Variants in ARHGEF28 observed in about 807,000 individuals in gnomAD.
ARHGEF28 encodes the protein 190 kDa guanine nucleotide exchange factor.
A neutral mutation model predicts 206.6 loss-of-function variants in ARHGEF28; 152 were observed. That is an observed-to-expected ratio of 0.74 (90% CI 0.64 to 0.84). The LOEUF (loss-of-function observed/expected upper bound fraction) is 0.84. Among genes scored for constraint, ARHGEF28 ranks in the 40% least tolerant of loss-of-function variants. The pLI is 0.00. For missense variants in ARHGEF28, 2,028 were observed against 2,073.2 expected, an observed-to-expected ratio of 0.98 and a Z score of 0.42; for synonymous variants, 763 against 776.4, an observed-to-expected ratio of 0.98 and a Z score of 0.29.
At chr5:73,911,198 C>G in intron 34 of ARHGEF28, 77 bp from the exon 35 acceptor site, 1 of 1,313,528 alleles carries the variant, frequency 7.6e-7, no homozygotes, top group Non-Finnish European at 1.0e-6. Flanking sequence ...TCCTAAGATT[C>G]TCTCAGGAAT....
At chr5:73,899,259 T>G (rs1214358725) in intron 30 of ARHGEF28, 1 of 152,156 alleles carries the variant, frequency 6.6e-6, no homozygotes, top group Non-Finnish European at 1.5e-5. Flanking sequence ...AGTCTCTGTC[T>G]AAAAATACGT....
intron 21 of ARHGEF28, 104 bp from the exon 22 acceptor site, chr5:73,872,895 T>C (rs1473494722): frequency 2.3e-6 from 3 of 1,301,902 alleles, no homozygotes; most frequent in Non-Finnish European, 3.1e-6. Context: ...TAAACATTTC[T>C]TTTTTATTTG....
intron 28 of ARHGEF28, among the ~76,000 whole-genome samples, chr5:73,893,612 C>A (rs1761783764): frequency 1.3e-5 from 2 of 152,204 alleles, no homozygotes; most frequent in Admixed American, 6.5e-5. Context: ...ATGTCAATGA[C>A]TTTGGACAAG....
chr5:73,749,978 G>A lies in ARHGEF28; in HGVS notation c.175G>A (p.Val59Ile), dbSNP rs371316963. The A allele has an allele frequency of 1.4e-5, 22 of 1,613,796 alleles. No individual in the cohort carries two copies. The highest frequency in any genetic ancestry group is 1.1e-4 in the African/African-American group (8 of 75,036). The change falls in exon 3 of 36, where the codon GTC becomes ATC. Residue 59 changes from valine to isoleucine, a missense_variant. By Grantham distance (29) the Val-to-Ile change is conservative. Coordinates refer to ENST00000513042, the MANE Select transcript of ARHGEF28 (RefSeq NM_001177693.2). ...CGAGGATAACGTTCTCCAGTCCAGC[G>A]TCCCAGGTGAGGTGTCCTCTTTGTT... Reference protein sequence around the residue: ...RIEDNVLQSSVPGHGLQETVT... With the variant: ...RIEDNVLQSSIPGHGLQETVT...
At chr5:73,828,618 T>C (rs1257021251) in intron 9 of ARHGEF28, among the ~76,000 whole-genome samples, 1 of 128,618 alleles carries the variant, frequency 7.8e-6, no homozygotes, top group African/African-American at 2.9e-5. Flanking sequence ...TTTCCTTTCT[T>C]TTTTCCTTTT....
At chr5:73,932,509 C>T (rs1461540246) in intron 35 of ARHGEF28, among the ~76,000 whole-genome samples, 1 of 152,140 alleles carries the variant, frequency 6.6e-6, no homozygotes, top group East Asian at 1.9e-4. Flanking sequence ...TCAAATAATG[C>T]TAGTGGCCAA....
intron 5 of ARHGEF28, among the ~76,000 whole-genome samples, chr5:73,775,128 G>T (rs935376321): frequency 6.6e-6 from 1 of 152,152 alleles, no homozygotes. Context: ...GCTAAAAAGG[G>T]CAAGGCAAGA....
At chr5:73,766,657 G>A (rs1752911911) in intron 4 of ARHGEF28, among the ~76,000 whole-genome samples, 1 of 152,152 alleles carries the variant, frequency 6.6e-6, no homozygotes, top group Non-Finnish European at 1.5e-5. Flanking sequence ...TAATTTTTCT[G>A]GAGAGGGCCT....
chr5:73,812,068 G>A (rs1755872716), intron 9 of ARHGEF28, among the ~76,000 whole-genome samples: 1 of 151,176 alleles, frequency 6.6e-6, no homozygotes, highest in South Asian at 2.1e-4. Flanking sequence ...TACTCTAGTT[G>A]TATTTTGTTT....
chr5:73,759,643 A>G (rs1174183859), intron 4 of ARHGEF28, among the ~76,000 whole-genome samples: 1 of 152,150 alleles, frequency 6.6e-6, no homozygotes, highest in Admixed American at 6.5e-5. Flanking sequence ...CTTTTTGGGG[A>G]ACAGTAGATG....
intron 2 of ARHGEF28, among the ~76,000 whole-genome samples, chr5:73,720,531 C>T (rs552034548): frequency 9.2e-5 from 14 of 151,706 alleles, no homozygotes; most frequent in East Asian, 5.8e-4. Context: ...CAGAGTGTGG[C>T]GGGTTAGAAG....
At chr5:73,816,881 G>T (rs1232108354) in intron 9 of ARHGEF28, among the ~76,000 whole-genome samples, 3 of 152,212 alleles carry the variant, frequency 2.0e-5, no homozygotes, top group Admixed American at 2.0e-4. Context: ...CGGCCCAGCA[G>T]TTAATGATTG....
intron 2 of ARHGEF28, among the ~76,000 whole-genome samples, chr5:73,707,995 G>A (rs1349010963): frequency 1.3e-5 from 2 of 151,736 alleles, no homozygotes; most frequent in African/African-American, 4.8e-5. Flanking sequence ...GGGAAATTTG[G>A]CTATCATGAT....
chr5:73,671,849 G>A lies in ARHGEF28; in HGVS notation c.-11-12992G>A, dbSNP rs557814667. Among the ~76,000 whole-genome samples, 9 of 140,318 alleles carry A rather than the reference G, an allele frequency of 6.4e-5. 1 individual carries two copies. Among genetic ancestry groups the A allele is most frequent in the Non-Finnish European group, 9.1e-5 (6 of 65,962 alleles). 92.1% of individuals were successfully genotyped at this position (140,318 alleles called of 152,430 possible). The stretch of plus-strand genomic sequence containing the variant: ...CAGCTCACTGCAACCTCCGCCTCCC[G>A]GTTTCAAGCGATTCTCCTGCCTCAG... On this transcript the variant is annotated intron_variant, in intron 1 of 35. Coordinates refer to ENST00000513042, the MANE Select transcript of ARHGEF28 (RefSeq NM_001177693.2).
chr5:73,656,873 TA>T (rs1270649138), intron 1 of ARHGEF28, among the ~76,000 whole-genome samples: 1 of 152,034 alleles, frequency 6.6e-6, no homozygotes, highest in Admixed American at 6.6e-5. Context: ...GCTGCTCCTA[TA>T]AAAAGAATGT....
intron 13 of ARHGEF28, among the ~76,000 whole-genome samples, chr5:73,850,807 A>G (rs1266292563): frequency 6.6e-6 from 1 of 152,170 alleles, no homozygotes; most frequent in Non-Finnish European, 1.5e-5. Context: ...AGCTGATCTC[A>G]ACTGCTTTGG....
intron 16 of ARHGEF28, 44 bp downstream of exon 16, chr5:73,858,263 T>A (rs749750314): frequency 6.5e-7 from 1 of 1,528,756 alleles, no homozygotes; most frequent in Non-Finnish European, 8.7e-7. Context: ...TTTCATCTCC[T>A]GACAGTAACC....
intron 9 of ARHGEF28, among the ~76,000 whole-genome samples, chr5:73,815,441 A>T (rs929597114): frequency 1.7e-4 from 26 of 152,162 alleles, no homozygotes; most frequent in Non-Finnish European, 3.2e-4. Context: ...TTGAGGGAGG[A>T]GATACACAAA....
At chr5:73,864,919 A>G (rs1454112607) in intron 17 of ARHGEF28, 47 bp downstream of exon 17, 2 of 1,549,756 alleles carry the variant, frequency 1.3e-6, no homozygotes, top group East Asian at 2.3e-5. Context: ...TGGTTGCTTC[A>G]TAGTATCTAT....
Sources: allele counts gnomAD v4.1 joint callset (sites outside exome capture counted in the v4.1 genomes callset), GRCh38; gene constraint gnomAD v4.1.1; transcripts MANE v1.5; gene names NCBI Gene and HGNC (gene_info 2026-07-23, HGNC 2026-07-21).